Variants in FSTL4 observed in about 807,000 individuals in gnomAD.
FSTL4 encodes follistatin-related protein 4.
A neutral mutation model predicts 78.2 loss-of-function variants in FSTL4; 28 were observed. That is an observed-to-expected ratio of 0.36 (90% CI 0.27 to 0.49). FSTL4 has a LOEUF of 0.49. Ranked by LOEUF, FSTL4 falls within the 20% of genes least tolerant of loss-of-function variation. FSTL4 has a pLI of 0.98. For synonymous variants in FSTL4, 422 were observed against 440.5 expected (o/e 0.96, Z 0.53); for missense variants, 922 against 1,084.9 (o/e 0.85, Z 2.11).
chr5:133,663,696 G>C, the FSTL4 span, among the ~76,000 whole-genome samples: 1 of 152,258 alleles, frequency 6.6e-6, no homozygotes, highest in Admixed American at 6.5e-5. Flanking sequence ...CTGTAGGATA[G>C]AGAAGTTTGA....
intron 6 of FSTL4, among the ~76,000 whole-genome samples, chr5:133,259,750 T>C (rs185881272): frequency 7.4e-4 from 113 of 151,742 alleles, no homozygotes; most frequent in African/African-American, 2.5e-3. Flanking sequence ...GAGAGACAGG[T>C]GGTGACTGTG....
intron 3 of FSTL4, among the ~76,000 whole-genome samples, chr5:133,543,431 A>G (rs189884077): frequency 2.0e-5 from 3 of 152,324 alleles, no homozygotes; most frequent in East Asian, 3.9e-4. Context: ...ATTTCTCCTT[A>G]TAAGTCTGTC....
In FSTL4 at chr5:133,380,415, T is replaced by C. The variant is rs113134782; in HGVS notation, c.409+20323A>G. Among the ~76,000 whole-genome samples, 491 of 152,172 alleles carry C rather than the reference T, an allele frequency of 3.2e-3. 2 individuals carry two copies. The highest frequency in any genetic ancestry group is 0.011 in the African/African-American group (464 of 41,550). ...TAAGGGAAGAGTATGAACAAGTATA[T>C]GCCAATAAATTAGACAACTTTGATG... On this transcript the variant is annotated intron_variant, in intron 4 of 15. Coordinates refer to ENST00000265342, the MANE Select transcript of FSTL4 (RefSeq NM_015082.2).
chr5:133,825,187 C>T, the FSTL4 span, among the ~76,000 whole-genome samples: 16 of 152,188 alleles, frequency 1.1e-4, no homozygotes, highest in African/African-American at 3.6e-4. Context: ...GGTCTCCCTA[C>T]TCCCACGCCA....
chr5:133,486,225 G>A (rs893890241), intron 3 of FSTL4, among the ~76,000 whole-genome samples: 4 of 152,006 alleles, frequency 2.6e-5, no homozygotes, highest in Non-Finnish European at 5.9e-5. Flanking sequence ...CACTACGAGA[G>A]TATCAGAGAG....
At chr5:133,235,888 C>T (rs1342471777) in intron 7 of FSTL4, among the ~76,000 whole-genome samples, 1 of 152,110 alleles carries the variant, frequency 6.6e-6, no homozygotes, top group East Asian at 1.9e-4. Flanking sequence ...TATTTCTAGT[C>T]TAAGCTGTTT....
the FSTL4 span, among the ~76,000 whole-genome samples, chr5:133,747,044 A>C: frequency 1.3e-5 from 2 of 152,230 alleles, no homozygotes; most frequent in South Asian, 2.1e-4. Flanking sequence ...GGGAGATGAG[A>C]AGCTTCTCTT....
At chr5:133,404,848 CA>C (rs1203766441) in intron 3 of FSTL4, among the ~76,000 whole-genome samples, 1 of 152,224 alleles carries the variant, frequency 6.6e-6, no homozygotes, top group African/African-American at 2.4e-5. Context: ...AGAGCACAGA[CA>C]GTTGGGTAAT....
At chr5:133,395,525 A>G (rs138182671) in intron 4 of FSTL4, among the ~76,000 whole-genome samples, 10 of 152,360 alleles carry the variant, frequency 6.6e-5, no homozygotes, top group Admixed American at 3.9e-4. Flanking sequence ...TCTCGAAGTC[A>G]GAGAGACCAA....
At chr5:133,821,554 G>A in the FSTL4 span, among the ~76,000 whole-genome samples, 4 of 152,176 alleles carry the variant, frequency 2.6e-5, no homozygotes, top group African/African-American at 7.2e-5. Context: ...GAAACAGTGG[G>A]AACAAGAGTC....
At chr5:133,480,800 C>T (rs1758011729) in intron 3 of FSTL4, among the ~76,000 whole-genome samples, 1 of 152,266 alleles carries the variant, frequency 6.6e-6, no homozygotes, top group Admixed American at 6.5e-5. Context: ...TGAAGAAATG[C>T]TTTAGTGGAT....
At chr5:133,604,428 C>T (rs775209447) in intron 1 of FSTL4, among the ~76,000 whole-genome samples, 1 of 152,104 alleles carries the variant, frequency 6.6e-6, no homozygotes, top group Non-Finnish European at 1.5e-5. Context: ...ATGATTATGG[C>T]TGGGCGCAGT....
chr5:133,486,276 A>G (rs996496928), intron 3 of FSTL4, among the ~76,000 whole-genome samples: 3 of 151,908 alleles, frequency 2.0e-5, no homozygotes, highest in Non-Finnish European at 2.9e-5. Flanking sequence ...GCGGGGAGAA[A>G]CAGAGACCAA....
At chr5:133,208,827 C>T (rs1252170496) in intron 14 of FSTL4, among the ~76,000 whole-genome samples, 2 of 152,100 alleles carry the variant, frequency 1.3e-5, no homozygotes, top group South Asian at 2.1e-4. Flanking sequence ...TGCACCATCA[C>T]GTCTGGCTAA....
At chr5:133,834,206 G>A in the FSTL4 span, among the ~76,000 whole-genome samples, 1 of 152,364 alleles carries the variant, frequency 6.6e-6, no homozygotes, top group South Asian at 2.1e-4. Context: ...GAGACCCTGT[G>A]CTAATGGGGA....
chr5:133,782,068 C>A, the FSTL4 span, among the ~76,000 whole-genome samples: 1 of 152,210 alleles, frequency 6.6e-6, no homozygotes, highest in African/African-American at 2.4e-5. Flanking sequence ...GATTTACCCA[C>A]CCCCACTGCT....
At chr5:133,538,730 C>T (rs917400278) in intron 3 of FSTL4, among the ~76,000 whole-genome samples, 2 of 152,088 alleles carry the variant, frequency 1.3e-5, no homozygotes, top group African/African-American at 4.8e-5. Context: ...TGTTGTGTAA[C>T]CATTCAAAAG....
chr5:133,257,203 T>C (rs781744197), intron 6 of FSTL4, among the ~76,000 whole-genome samples: 34 of 152,314 alleles, frequency 2.2e-4, no homozygotes, highest in Non-Finnish European at 4.4e-4. Flanking sequence ...ACAGGCCCAG[T>C]GCTTGCTAAC....
chr5:133,232,887 A>T (rs1751536552), intron 8 of FSTL4, among the ~76,000 whole-genome samples: 1 of 152,232 alleles, frequency 6.6e-6, no homozygotes, highest in African/African-American at 2.4e-5. Flanking sequence ...GTGAGAATCA[A>T]GGAAAAGCTT....
Sources: gnomAD v4.1 joint callset for allele counts (sites outside exome capture counted in the v4.1 genomes callset) on GRCh38, gnomAD v4.1.1 for gene constraint, MANE v1.5 for transcripts, NCBI Gene and HGNC (gene_info 2026-07-23, HGNC 2026-07-21) for gene names.